SCN10A: variants seen among roughly 807,000 people sequenced by gnomAD.
SCN10A encodes the protein sodium channel protein type 10 subunit alpha.
A neutral mutation model predicts 170.7 loss-of-function variants in SCN10A; 162 were observed. That is an observed-to-expected ratio of 0.95 (90% confidence interval 0.84 to 1.08). The LOEUF (loss-of-function observed/expected upper bound fraction) is 1.08. Among genes scored for constraint, SCN10A ranks in the 50% least tolerant of loss-of-function variants. The pLI, the probability that SCN10A is intolerant of heterozygous loss-of-function variation, is 0.00. For missense variants in SCN10A, 2,527 were observed against 2,436.9 expected (o/e 1.04, Z -0.78); for synonymous variants, 985 against 904.6 (o/e 1.09, Z -1.59).
intron 4 of SCN10A, among the ~76,000 whole-genome samples, chr3:38,774,246 A>C (rs2064044496): frequency 6.6e-6 from 1 of 152,168 alleles, no homozygotes; most frequent in Non-Finnish European, 1.5e-5. Flanking sequence ...TAAATTAGAA[A>C]ATCTTAACTC....
intron 23 of SCN10A, among the ~76,000 whole-genome samples, chr3:38,711,388 G>A (rs562161170): frequency 6.6e-6 from 1 of 152,206 alleles, no homozygotes; most frequent in African/African-American, 2.4e-5. Flanking sequence ...CTTCCAGCAT[G>A]TTCAGAGCAT....
intron 4 of SCN10A, among the ~76,000 whole-genome samples, chr3:38,772,516 C>T (rs4426623): frequency 0.9 from 136,149 of 151,988 alleles, 61,741 homozygotes; most frequent in Non-Finnish European, 0.97. Flanking sequence ...GGTGAAACCC[C>T]GTCTCTACTA....
chr3:38,761,508 A>C, intron 6 of SCN10A, 125 bp from the exon 7 acceptor site: 3 of 708,498 alleles, frequency 4.2e-6, no homozygotes, highest in Admixed American at 3.3e-5. Flanking sequence ...ACTCCAGGGC[A>C]GTTCCAAGAC....
At chr3:38,780,795 C>T (rs759012413) in intron 4 of SCN10A, among the ~76,000 whole-genome samples, 2 of 152,116 alleles carry the variant, frequency 1.3e-5, no homozygotes, top group African/African-American at 4.8e-5. Flanking sequence ...AACTCAACAT[C>T]AACAACGCAT....
chr3:38,755,620 T>A (rs2063794753), intron 11 of SCN10A, among the ~76,000 whole-genome samples, 168 bp downstream of exon 11: 1 of 152,164 alleles, frequency 6.6e-6, no homozygotes, highest in Non-Finnish European at 1.5e-5. Flanking sequence ...TCCCCATCTA[T>A]AATTACACTT....
chr3:38,814,456 A>G (rs2064459613), intron 1 of SCN10A, among the ~76,000 whole-genome samples: 1 of 152,164 alleles, frequency 6.6e-6, no homozygotes, highest in African/African-American at 2.4e-5. Flanking sequence ...TTGGGTGCTG[A>G]CAGAAGGGAA....
chr3:38,719,449 A>G lies in SCN10A; in HGVS notation c.3508-623T>C, dbSNP rs1464075010. Among the ~76,000 whole-genome samples the G allele has an allele frequency of 3.2e-5, 4 of 125,926 alleles. No homozygotes were observed. In the Admixed American group the frequency reaches 4.0e-4, roughly 13 times the overall value. 82.6% of individuals were successfully genotyped at this position (125,926 alleles called of 152,430 possible). On this transcript the variant is annotated intron_variant, in intron 20 of 27. Transcript: ENST00000449082. ...CGCTCTGTCGCCCAGGCTGGAGTGC[A>G]GTAGCGGGATCTCGGCTCACTGCAA...
At chr3:38,811,009 A>G (rs940630695) in intron 1 of SCN10A, among the ~76,000 whole-genome samples, 13 of 152,232 alleles carry the variant, frequency 8.5e-5, no homozygotes, top group African/African-American at 2.9e-4. Flanking sequence ...TTATGTTTCA[A>G]GAGGATAGGG....
intron 6 of SCN10A, among the ~76,000 whole-genome samples, chr3:38,763,295 A>G (rs1355281771): frequency 6.6e-6 from 1 of 152,198 alleles, no homozygotes; most frequent in African/African-American, 2.4e-5. Flanking sequence ...GCACTGGCCT[A>G]GGAGTTGGGA....
intron 5 of SCN10A, among the ~76,000 whole-genome samples, chr3:38,770,285 C>G (rs2126040093): frequency 6.6e-6 from 1 of 152,176 alleles, no homozygotes; most frequent in African/African-American, 2.4e-5. Flanking sequence ...ATTTTAGTTT[C>G]TTAGGTGATG....
chr3:38,709,460 C>G lies in SCN10A; in HGVS notation c.4281+18G>C, dbSNP rs1166416656. On this transcript the variant is annotated intron_variant, in intron 25 of 27. Coordinates refer to ENST00000449082, the MANE Select transcript of SCN10A (RefSeq NM_006514.4). The stretch of plus-strand genomic sequence containing the variant: ...TTACCACTACAGCAGAAACCAGAAA[C>G]TCCTGAGCACCACTTATCTTTTTTT... 3 of 1,595,990 alleles carry G rather than the reference C, an allele frequency of 1.9e-6. No homozygotes were observed. In the East Asian group the frequency reaches 6.7e-5, roughly 36 times the overall value.
At chr3:38,791,955 A>T in intron 3 of SCN10A, 95 bp downstream of exon 3, 1 of 1,481,888 alleles carries the variant, frequency 6.7e-7, no homozygotes, top group Non-Finnish European at 9.1e-7. Flanking sequence ...ATTCAATTGG[A>T]TAAGGGCTCT....
chr3:38,738,651 G>A (rs368641131), intron 15 of SCN10A, among the ~76,000 whole-genome samples: 2 of 152,222 alleles, frequency 1.3e-5, no homozygotes, highest in South Asian at 4.1e-4. Flanking sequence ...CCTGAGAGCA[G>A]GCGGCCTGCG....
At chr3:38,774,838 C>T (rs192819009) in intron 4 of SCN10A, among the ~76,000 whole-genome samples, 4 of 152,282 alleles carry the variant, frequency 2.6e-5, no homozygotes, top group South Asian at 2.1e-4. Context: ...AAGAGATGTA[C>T]ACTAAGTGAC....
intron 15 of SCN10A, among the ~76,000 whole-genome samples, chr3:38,731,558 T>C (rs1317389554): frequency 6.6e-5 from 10 of 152,198 alleles, no homozygotes; most frequent in African/African-American, 2.2e-4. Flanking sequence ...GTTTTTAGGA[T>C]AGCAGATAGG....
At chr3:38,728,433 A>T in intron 16 of SCN10A, 109 bp downstream of exon 16, 1 of 1,239,426 alleles carries the variant, frequency 8.1e-7, no homozygotes, top group East Asian at 2.4e-5. Context: ...CTTTTCAACC[A>T]GAGAAGTACA....
chr3:38,767,142 T>G (rs1449419446), intron 5 of SCN10A, among the ~76,000 whole-genome samples: 1 of 151,988 alleles, frequency 6.6e-6, no homozygotes, highest in African/African-American at 2.4e-5. Context: ...TGGTTAATCT[T>G]GCCAATGGTC....
Position 38,712,416 on chromosome 3 carries a change from G to T in SCN10A, c.3834C>A (p.Ile1278=). The T allele has an allele frequency of 6.2e-7, 1 of 1,613,928 alleles. No homozygotes were observed. ...RVVVDALVGA[I]PSIMNVLLVC... ...CGAGGAGGACATTCATGATGGATGGGATGGCGCCCACCAGGGCATCCACCA... is the reference window on the plus strand; with the variant it reads ...CGAGGAGGACATTCATGATGGATGGTATGGCGCCCACCAGGGCATCCACCA... Residue 1278 remains isoleucine (I), a synonymous_variant, in exon 23 of 28, where the codon ATC becomes ATA. Coordinates refer to ENST00000449082, the MANE Select transcript of SCN10A (RefSeq NM_006514.4).
chr3:38,792,469 C>T (rs1292254183), intron 2 of SCN10A, among the ~76,000 whole-genome samples: 7 of 152,138 alleles, frequency 4.6e-5, no homozygotes, highest in African/African-American at 1.7e-4. Context: ...AGGTGTTATG[C>T]CCAGGGGAGG....
Sources: gnomAD v4.1 joint callset for allele counts (sites outside exome capture counted in the v4.1 genomes callset) on GRCh38, gnomAD v4.1.1 for gene constraint, MANE v1.5 for transcripts, NCBI Gene and HGNC (gene_info 2026-07-23, HGNC 2026-07-21) for gene names.